Variants in EWSR1 observed in about 807,000 individuals in gnomAD.
EWSR1 encodes the protein RNA-binding protein EWS.
EWSR1 carries 14 observed loss-of-function variants against 92.1 expected under a neutral mutation model. That is an observed-to-expected ratio of 0.15 (90% CI 0.10 to 0.24). EWSR1 has a LOEUF of 0.24. Ranked by LOEUF, EWSR1 falls within the 10% of genes least tolerant of loss-of-function variation. The pLI, the probability that EWSR1 is intolerant of heterozygous loss-of-function variation, is 1.00. For missense variants in EWSR1, 637 were observed against 870.9 expected, an observed-to-expected ratio of 0.73 and a Z score of 3.38; for synonymous variants, 303 against 292.9, an observed-to-expected ratio of 1.03 and a Z score of -0.35.
At chr22:29,290,619 A>G in intron 8 of EWSR1, 7 of 1,479,050 alleles carry the variant, frequency 4.7e-6, no homozygotes, top group Non-Finnish European at 4.5e-6. Flanking sequence ...TTGTTTGGTA[A>G]TGAACCAGAG....
At position 29,292,437 on chromosome 22, in the gene EWSR1, A is replaced by T. The variant is rs776682657; in HGVS notation, c.1046-51A>T. ...GGCAGTAGTGATCAGGTAGTTAAGAAACCCCTATAGATACATGATAATAAT... is the reference window on the plus strand; with the variant it reads ...GGCAGTAGTGATCAGGTAGTTAAGATACCCCTATAGATACATGATAATAAT... On this transcript the variant is annotated intron_variant, in intron 10 of 16. Coordinates refer to ENST00000397938, the MANE Select transcript of EWSR1 (RefSeq NM_005243.4). The T allele has an allele frequency of 7.2e-6, 9 of 1,246,550 alleles. No individual in the cohort carries two copies. In the South Asian group the frequency reaches 1.1e-4, roughly 15 times the overall value. The allele number at this position is 1,246,550 out of a possible 1,614,324, so 77.2% of individuals were successfully genotyped here.
intron 11 of EWSR1, among the ~76,000 whole-genome samples, chr22:29,295,207 A>G (rs2060760431): frequency 6.6e-6 from 1 of 152,106 alleles, no homozygotes; most frequent in African/African-American, 2.4e-5. Flanking sequence ...AGGCTTGAGC[A>G]TATTAAAAAG....
In EWSR1 at chr22:29,268,369, G is replaced by A; in HGVS notation, c.13+20G>A. 2 of 1,614,000 alleles carry A rather than the reference G, an allele frequency of 1.2e-6. No homozygotes were observed. The highest frequency in any genetic ancestry group is 8.5e-7 in the Non-Finnish European group (1 of 1,179,924). ...CCACGGGTGAGTATGGTGGAACTGC[G>A]GTCGCGCCGGCGGTAGCCGGAACGC... On this transcript the variant is annotated intron_variant, in intron 1 of 16. Transcript: ENST00000397938.
intron 11 of EWSR1, chr22:29,295,540 C>T (rs2060790266): frequency 4.6e-6 from 1 of 218,852 alleles, no homozygotes; most frequent in African/African-American, 2.2e-5. Flanking sequence ...TTAGGTATCA[C>T]GTTCCTTTTT....
chr22:29,273,589 G>A (rs2146828465), intron 3 of EWSR1, 152 bp from the exon 4 acceptor site: 1 of 859,702 alleles, frequency 1.2e-6, no homozygotes, highest in East Asian at 2.8e-5. Flanking sequence ...ATGATACTGT[G>A]ATTATTTGTC....
intron 6 of EWSR1, among the ~76,000 whole-genome samples, chr22:29,286,119 G>A (rs773912704): frequency 6.6e-6 from 1 of 151,376 alleles, no homozygotes; most frequent in South Asian, 2.1e-4. Flanking sequence ...GATTACAAGC[G>A]TGAGCCACCG....
At chr22:29,288,522 A>G in intron 7 of EWSR1, 84 bp from the exon 8 acceptor site, 1 of 1,364,176 alleles carries the variant, frequency 7.3e-7, no homozygotes, top group Non-Finnish European at 1.0e-6. Context: ...CTTGGAATTG[A>G]GGATTTTGTG....
At chr22:29,274,188 TAAA>T in intron 4 of EWSR1, 7 of 1,516,562 alleles carry the variant, frequency 4.6e-6, no homozygotes, top group Non-Finnish European at 6.4e-6. Flanking sequence ...TTGAGCTGCT[TAAA>T]AATCAAACTG....
At chr22:29,277,557 A>G (rs2059221385) in intron 4 of EWSR1, 1 of 229,522 alleles carries the variant, frequency 4.4e-6, no homozygotes, top group Admixed American at 5.6e-5. Flanking sequence ...TGCTAGAACT[A>G]GTACCTGGAT....
At chr22:29,284,903 C>G (rs962755695) in intron 6 of EWSR1, among the ~76,000 whole-genome samples, 6 of 151,122 alleles carry the variant, frequency 4.0e-5, no homozygotes, top group Admixed American at 3.3e-4. Flanking sequence ...CACCGCAACC[C>G]TCGCCTCCCA....
chr22:29,292,205 TTTG>T, intron 10 of EWSR1, 36 bp downstream of exon 10: 1 of 1,603,516 alleles, frequency 6.2e-7, no homozygotes, highest in Non-Finnish European at 8.5e-7. Context: ...CATATCGTGC[TTTG>T]TAAATTAATG....
Position 29,292,962 on chromosome 22 carries a change from C to T in EWSR1, c.1164+356C>T, listed in dbSNP as rs773387383. 5.9e-5 allele frequency among the ~76,000 whole-genome samples: 9 copies of T among 151,834 alleles called. No individual in the cohort carries two copies. In the South Asian group the frequency reaches 8.3e-4, roughly 14 times the overall value. On this transcript the variant is annotated intron_variant, in intron 11 of 16. Coordinates refer to ENST00000397938, the MANE Select transcript of EWSR1 (RefSeq NM_005243.4). Reference sequence around the variant, plus strand: ...ATGGGGTTTCACCGTGTTGGGCAGGCGGGTCTCAAACTCCTGACCTCAGGT... The same window carrying T: ...ATGGGGTTTCACCGTGTTGGGCAGGTGGGTCTCAAACTCCTGACCTCAGGT...
At chr22:29,293,875 A>G (rs999969113) in intron 11 of EWSR1, among the ~76,000 whole-genome samples, 1 of 151,686 alleles carries the variant, frequency 6.6e-6, no homozygotes, top group Non-Finnish European at 1.5e-5. Context: ...GCCTGTCTCT[A>G]TTTGTTATTT....
intron 8 of EWSR1, 89 bp downstream of exon 8, chr22:29,288,875 T>A: frequency 8.0e-7 from 1 of 1,247,224 alleles, no homozygotes; most frequent in Non-Finnish European, 1.1e-6. Flanking sequence ...CATAAGAAAT[T>A]AATTTCTGCA....
rs1249972689 is a variant in EWSR1, at chr22:29,299,786, T to C, written c.1866T>C (p.Pro622=). The C allele has an allele frequency of 1.3e-6, 2 of 1,596,262 alleles. No homozygotes were observed. Among genetic ancestry groups the C allele is most frequent in the East Asian group, 4.5e-5 (2 of 44,542 alleles). The part of the protein sequence containing the change: ...GGRRGGPGGP[P]GPLMEQMGGR... ...GACGAGGTGGCCCTGGGGGGCCCCC[T>C]GGACCTTTGATGGAACAGATGGGAG... Residue 622 remains proline, a synonymous_variant, in exon 16 of 17, where the codon CCT becomes CCC. Transcript: ENST00000397938.
At chr22:29,290,155 T>C (rs1271665275) in intron 8 of EWSR1, 3 of 348,530 alleles carry the variant, frequency 8.6e-6, no homozygotes, top group African/African-American at 2.1e-5. Context: ...CTTGCAGCCA[T>C]AGAAGAGACC....
At chr22:29,292,063 A>C in intron 9 of EWSR1, 74 bp from the exon 10 acceptor site, 1 of 1,269,958 alleles carries the variant, frequency 7.9e-7, no homozygotes, top group Non-Finnish European at 1.2e-6. Flanking sequence ...GTAGATAGCT[A>C]TGTGTGTTTG....
At chr22:29,273,662 T>G in intron 3 of EWSR1, 79 bp from the exon 4 acceptor site, 1 of 1,504,252 alleles carries the variant, frequency 6.6e-7, no homozygotes, top group Non-Finnish European at 9.0e-7. Context: ...TGATTTTGGT[T>G]CTCCAATTTA....
intron 11 of EWSR1, among the ~76,000 whole-genome samples, chr22:29,293,526 T>A (rs2060608083): frequency 6.6e-6 from 1 of 152,228 alleles, no homozygotes; most frequent in African/African-American, 2.4e-5. Context: ...TGATCTTTTT[T>A]TCCCCATGAA....
Sources: allele counts gnomAD v4.1 joint callset (sites outside exome capture counted in the v4.1 genomes callset), GRCh38; gene constraint gnomAD v4.1.1; transcripts MANE v1.5; gene names NCBI Gene and HGNC (gene_info 2026-07-23, HGNC 2026-07-21).